ZFAND3: variants seen among roughly 807,000 people sequenced by gnomAD.
The protein encoded by ZFAND3 is zinc finger AN1-type containing 3, also known as AN1-type zinc finger protein 3.
Under a neutral mutation model 29.6 loss-of-function variants are expected in ZFAND3, and 10 were observed. The observed-to-expected ratio is 0.34, with a 90% CI of 0.21 to 0.57. ZFAND3 has a LOEUF of 0.57. Among genes scored for constraint, ZFAND3 ranks in the 20% least tolerant of loss-of-function variants. The probability of loss-of-function intolerance (pLI) is 0.86; values close to 1 mark genes in which losing one functional copy is unlikely to be tolerated. For synonymous variants in ZFAND3, 128 were observed against 112.6 expected, an observed-to-expected ratio of 1.14 and a Z score of -0.87; for missense variants, 230 against 304.5, an observed-to-expected ratio of 0.76 and a Z score of 1.82.
rs115676650 is a variant in ZFAND3, at chr6:38,006,261, A to G, written c.113-55332A>G. Among the ~76,000 whole-genome samples, 1,132 of 152,236 alleles carry G rather than the reference A, an allele frequency of 7.4e-3. 12 individuals are homozygous for G. The highest frequency in any genetic ancestry group is 0.026 in the African/African-American group (1,076 of 41,538). ...ACCTGAGGTAATGTTTAATAACAGGATATGTAAGTTAAATTGACCAGCTGT... is the reference window on the plus strand; with the variant it reads ...ACCTGAGGTAATGTTTAATAACAGGGTATGTAAGTTAAATTGACCAGCTGT... On this transcript the variant is annotated intron_variant, in intron 2 of 5. Transcript: ENST00000287218.
At position 38,124,907 on chromosome 6, in the gene ZFAND3, C is replaced by T. The variant is rs758865667; in HGVS notation, c.529+8168C>T. Among the ~76,000 whole-genome samples, 44 of 152,296 alleles carry T rather than the reference C, an allele frequency of 2.9e-4. 2 individuals carry two copies. In the South Asian group the frequency reaches 5.2e-3, roughly 18 times the overall value. ...AAGAGCATGGTTAAGCAAAAGACCC[C>T]GGCCTTTAGGAACTCCTGTTTATAT... On this transcript the variant is annotated intron_variant, in intron 5 of 5. Coordinates refer to ENST00000287218, the MANE Select transcript of ZFAND3 (RefSeq NM_021943.3).
chr6:37,978,895 T>C (rs1181569143), intron 2 of ZFAND3, among the ~76,000 whole-genome samples: 1 of 152,126 alleles, frequency 6.6e-6, no homozygotes, highest in Non-Finnish European at 1.5e-5. Flanking sequence ...CATTTTATGC[T>C]TTTAATATGC....
intron 5 of ZFAND3, among the ~76,000 whole-genome samples, chr6:38,130,638 A>C (rs1765724563): frequency 6.6e-6 from 1 of 152,210 alleles, no homozygotes; most frequent in African/African-American, 2.4e-5. Flanking sequence ...ATGTTAAACC[A>C]TCCCTGCATC....
intron 1 of ZFAND3, among the ~76,000 whole-genome samples, chr6:37,899,866 G>A (rs865948794): frequency 1.3e-5 from 2 of 152,034 alleles, no homozygotes; most frequent in African/African-American, 4.8e-5. Flanking sequence ...TTTTTGATGG[G>A]GAGTATCCTT....
chr6:37,928,759 G>A (rs569677546), intron 1 of ZFAND3, among the ~76,000 whole-genome samples: 6 of 152,138 alleles, frequency 3.9e-5, no homozygotes, highest in South Asian at 4.2e-4. Flanking sequence ...CAGGCATTCC[G>A]CCCACCCCTC....
intron 1 of ZFAND3, among the ~76,000 whole-genome samples, chr6:37,891,034 CCA>C (rs1451180713): frequency 6.6e-6 from 1 of 152,016 alleles, no homozygotes. Context: ...GTTTTCATCA[CCA>C]CACACACACA....
At chr6:37,893,972 A>G (rs1408355000) in intron 1 of ZFAND3, among the ~76,000 whole-genome samples, 1 of 151,470 alleles carries the variant, frequency 6.6e-6, no homozygotes, top group Non-Finnish European at 1.5e-5. Context: ...CATTTGTCTT[A>G]GGCTGGGTGC....
In ZFAND3 at chr6:38,047,848, A is replaced by G. The variant is rs76726323; in HGVS notation, c.113-13745A>G. ...ATAATGTGATCAAAACAAATAAACC[A>G]TTGTTATAAAGCCTGTAGATTATAG... On this transcript the variant is annotated intron_variant, in intron 2 of 5. Transcript: ENST00000287218. Among the ~76,000 whole-genome samples, 2,597 of 152,174 alleles carry G rather than the reference A, an allele frequency of 0.017. 255 individuals are homozygous for G. In the East Asian group the frequency reaches 0.28, roughly 16 times the overall value.
intron 5 of ZFAND3, among the ~76,000 whole-genome samples, chr6:38,137,481 C>CTATT (rs1554183486): frequency 1.3e-5 from 2 of 152,186 alleles, no homozygotes; most frequent in Non-Finnish European, 2.9e-5. Context: ...AATGCTGACT[C>CTATT]TATTTATTTA....
At chr6:38,048,538 C>T (rs982910214) in intron 2 of ZFAND3, among the ~76,000 whole-genome samples, 6 of 143,904 alleles carry the variant, frequency 4.2e-5, no homozygotes, top group African/African-American at 7.8e-5. Context: ...AGGAGAATGG[C>T]GTGAACCCAG....
chr6:37,837,876 A>T (rs1763998764), intron 1 of ZFAND3, among the ~76,000 whole-genome samples: 1 of 152,238 alleles, frequency 6.6e-6, no homozygotes, highest in Admixed American at 6.5e-5. Context: ...TATACACAAA[A>T]ATACACTTTG....
chr6:37,882,876 C>T (rs1764921946), intron 1 of ZFAND3, among the ~76,000 whole-genome samples: 1 of 152,146 alleles, frequency 6.6e-6, no homozygotes, highest in African/African-American at 2.4e-5. Context: ...TCAGGACATT[C>T]CAGTGGTTGC....
chr6:37,883,835 C>T (rs1047681546), intron 1 of ZFAND3, among the ~76,000 whole-genome samples: 2 of 145,568 alleles, frequency 1.4e-5, no homozygotes, highest in Admixed American at 6.7e-5. Flanking sequence ...CCGCCGTGCC[C>T]GGCTTGATGG....
At chr6:37,895,300 A>G (rs1765179019) in intron 1 of ZFAND3, among the ~76,000 whole-genome samples, 1 of 151,554 alleles carries the variant, frequency 6.6e-6, no homozygotes, top group Non-Finnish European at 1.5e-5. Context: ...TCATCTCAAT[A>G]TAGTTTACAT....
intron 1 of ZFAND3, among the ~76,000 whole-genome samples, chr6:37,866,163 C>G (rs1764587603): frequency 6.6e-6 from 1 of 152,168 alleles, no homozygotes; most frequent in Non-Finnish European, 1.5e-5. Context: ...ATAGTAGGAG[C>G]TCTGTTTGTC....
intron 2 of ZFAND3, among the ~76,000 whole-genome samples, chr6:37,951,011 T>C (rs1469841777): frequency 6.6e-6 from 1 of 152,242 alleles, no homozygotes; most frequent in Non-Finnish European, 1.5e-5. Context: ...CATGGAATGT[T>C]TTCCACTTGT....
chr6:38,021,950 T>C (rs1335825862), intron 2 of ZFAND3, among the ~76,000 whole-genome samples: 2 of 152,240 alleles, frequency 1.3e-5, no homozygotes, highest in Non-Finnish European at 2.9e-5. Context: ...TATAGGTTTA[T>C]ATATCATAGC....
chr6:38,061,881 A>G, intron 3 of ZFAND3, 106 bp downstream of exon 3: 1 of 1,339,586 alleles, frequency 7.5e-7, no homozygotes, highest in Non-Finnish European at 1.0e-6. Context: ...CTTTTAATTC[A>G]AGATAAGTGT....
intron 2 of ZFAND3, among the ~76,000 whole-genome samples, chr6:38,059,780 G>A (rs578217611): frequency 6.6e-6 from 1 of 152,216 alleles, no homozygotes; most frequent in South Asian, 2.1e-4. Flanking sequence ...GGGGGCTGAG[G>A]CAGGAGAATT....
Sources: allele counts gnomAD v4.1 joint callset (sites outside exome capture counted in the v4.1 genomes callset), GRCh38; gene constraint gnomAD v4.1.1; transcripts MANE v1.5; gene names NCBI Gene and HGNC (gene_info 2026-07-23, HGNC 2026-07-21).